Variants in DUSP22 observed in about 807,000 individuals in gnomAD.
DUSP22 encodes the protein dual specificity protein phosphatase 22.
Under a neutral mutation model 24.5 loss-of-function variants are expected in DUSP22, and 24 were observed. That is an observed-to-expected ratio of 0.98 (90% CI 0.71 to 1.38). DUSP22 has a LOEUF of 1.38. Among genes scored for constraint, DUSP22 ranks in the 40% most tolerant of loss-of-function variants. DUSP22 has a pLI of 0.00. For synonymous variants in DUSP22, 160 were observed against 106.4 expected (o/e 1.50, Z -3.10); for missense variants, 330 against 269.2 (o/e 1.23, Z -1.58).
Position 292,489 on chromosome 6 carries a change from AG to A in DUSP22, c.-50del. On this transcript the variant is annotated 5_prime_UTR_variant, in exon 1 of 7. It adds an upstream start codon to the 5' untranslated region. Coordinates refer to ENST00000419235, the MANE Select transcript of DUSP22 (RefSeq NM_001286555.3). ...GCTCCTCCTCCCTGTAACATGCCAT[AG>A]TGCGCCTGCGACCACACGGCCGGGG... is the stretch of plus-strand genomic sequence containing the variant. 1 of 1,598,086 alleles carries A rather than the reference AG, an allele frequency of 6.3e-7. No individual in the cohort carries two copies. Among genetic ancestry groups the A allele is most frequent in the Admixed American group, 1.8e-5 (1 of 56,996 alleles).
At chr6:294,461 A>G (rs1010033126) in intron 1 of DUSP22, among the ~76,000 whole-genome samples, 2 of 152,290 alleles carry the variant, frequency 1.3e-5, no homozygotes, top group African/African-American at 4.8e-5. Context: ...CTATATATGT[A>G]ACTTAAAATG....
chr6:297,135 G>A (rs1757370695), intron 1 of DUSP22, among the ~76,000 whole-genome samples: 1 of 152,302 alleles, frequency 6.6e-6, no homozygotes, highest in South Asian at 2.1e-4. Context: ...TCCTGAAGAA[G>A]TCACTTAAAT....
chr6:315,085 C>G (rs559272693), intron 3 of DUSP22, among the ~76,000 whole-genome samples: 2 of 152,428 alleles, frequency 1.3e-5, no homozygotes, highest in East Asian at 3.8e-4. Context: ...TGTTTATCCA[C>G]TGGACCATGA....
Position 349,401 on chromosome 6 carries a change from T to G in DUSP22, c.*450T>G. The G allele has an allele frequency of 9.8e-7, 1 of 1,021,398 alleles. No individual in the cohort carries two copies. Among genetic ancestry groups the G allele is most frequent in the Non-Finnish European group, 1.2e-6 (1 of 852,206 alleles). The allele number at this position is 1,021,398 out of a possible 1,614,324, so 63.3% of individuals were successfully genotyped here. ...GAATTCATATTGCTGCCCGGGTTGG[T>G]GTGGCCACCTTTCCCTTTGTCCAAG... On this transcript the variant is annotated 3_prime_UTR_variant, in exon 7 of 7. Coordinates refer to ENST00000419235, the MANE Select transcript of DUSP22 (RefSeq NM_001286555.3).
rs200952897 is a variant in DUSP22, at chr6:348,096, C to T, written c.264-7C>T. On this transcript the variant is annotated splice_region_variant and splice_polypyrimidine_tract_variant and intron_variant, in intron 5 of 6. Coordinates refer to ENST00000419235, the MANE Select transcript of DUSP22 (RefSeq NM_001286555.3). Reference sequence around the variant, plus strand: ...CCCTCACACATGTGCTTCTCTTGGCCCCGCAGCCTGGCCGGGGTCTCCAGG... The same window carrying T: ...CCCTCACACATGTGCTTCTCTTGGCTCCGCAGCCTGGCCGGGGTCTCCAGG... The T allele has an allele frequency of 3.1e-3, 5,034 of 1,611,350 alleles. No individual in the cohort carries two copies. The highest frequency in any genetic ancestry group is 0.011 in the Middle Eastern group (66 of 6,032).
chr6:340,488 A>T (rs1472764137), intron 4 of DUSP22, among the ~76,000 whole-genome samples: 1 of 152,310 alleles, frequency 6.6e-6, no homozygotes, highest in Non-Finnish European at 1.5e-5. Context: ...GGACCCAGAT[A>T]GAATACTCTA....
At chr6:341,925 G>A (rs1759625976) in intron 4 of DUSP22, among the ~76,000 whole-genome samples, 1 of 152,300 alleles carries the variant, frequency 6.6e-6, no homozygotes, top group Admixed American at 6.5e-5. Flanking sequence ...ATTTTGAGAT[G>A]TGGCAAGGCT....
chr6:347,039 A>C (rs570139276), intron 5 of DUSP22, among the ~76,000 whole-genome samples: 1 of 152,428 alleles, frequency 6.6e-6, no homozygotes, highest in South Asian at 2.1e-4. Context: ...AGTGTAATAA[A>C]TACAAATGGT....
intron 6 of DUSP22, 170 bp from the exon 7 acceptor site, chr6:348,599 T>C: frequency 4.2e-6 from 5 of 1,184,530 alleles, no homozygotes; most frequent in African/African-American, 1.5e-5. Context: ...AGCAGTTCCT[T>C]CTCTTGCTTG....
intron 3 of DUSP22, among the ~76,000 whole-genome samples, chr6:324,250 G>C (rs1758743747): frequency 6.6e-6 from 1 of 152,296 alleles, no homozygotes; most frequent in African/African-American, 2.4e-5. Flanking sequence ...GGTGACCTAG[G>C]GCCTCCTTCT....
At chr6:321,895 G>A (rs1367012065) in intron 3 of DUSP22, among the ~76,000 whole-genome samples, 2 of 152,308 alleles carry the variant, frequency 1.3e-5, no homozygotes, top group East Asian at 1.9e-4. Context: ...CCAGGGATGT[G>A]AGTGCTCCAG....
At chr6:332,327 C>A (rs1759176185) in intron 3 of DUSP22, among the ~76,000 whole-genome samples, 1 of 152,308 alleles carries the variant, frequency 6.6e-6, no homozygotes, top group Non-Finnish European at 1.5e-5. Context: ...GGCTGCAGCT[C>A]CACACGCCCA....
At chr6:330,592 C>T (rs1759096833) in intron 3 of DUSP22, among the ~76,000 whole-genome samples, 1 of 152,308 alleles carries the variant, frequency 6.6e-6, no homozygotes, top group African/African-American at 2.4e-5. Context: ...TCTTTAGTTT[C>T]AGGCCCAAAG....
chr6:313,355 A>G (rs931202769), intron 3 of DUSP22, among the ~76,000 whole-genome samples: 1 of 152,296 alleles, frequency 6.6e-6, no homozygotes, highest in African/African-American at 2.4e-5. Flanking sequence ...TTCTGTGTAG[A>G]TAGGAGATCT....
rs1255371906 is a variant in DUSP22, at chr6:351,057, C to T, written c.*2106C>T. 3 of 907,832 alleles carry T rather than the reference C, an allele frequency of 3.3e-6. No homozygotes were observed. Among genetic ancestry groups the T allele is most frequent in the Admixed American group, 2.7e-5 (1 of 36,836 alleles). 56.2% of individuals were successfully genotyped at this position (907,832 alleles called of 1,614,324 possible). A position where few individuals can be genotyped will look rare whatever the true frequency, so the allele number is the denominator to read the frequency against. ...ATTCTTTAGCAAGAGAAAATATTTT[C>T]CCCTTATCCCCACTGCTGTGGAGGT... On this transcript the variant is annotated 3_prime_UTR_variant, in exon 7 of 7. Coordinates refer to ENST00000419235, the MANE Select transcript of DUSP22 (RefSeq NM_001286555.3).
chr6:309,672 C>A (rs557801180), intron 2 of DUSP22, among the ~76,000 whole-genome samples: 2 of 150,412 alleles, frequency 1.3e-5, no homozygotes, highest in South Asian at 4.2e-4. Context: ...CAGAGCCACT[C>A]ATGTAGAACA....
intron 1 of DUSP22, among the ~76,000 whole-genome samples, chr6:301,764 C>T (rs1757590963): frequency 6.6e-6 from 1 of 152,298 alleles, no homozygotes; most frequent in South Asian, 2.1e-4. Flanking sequence ...CCATCAGGGG[C>T]AGGAGGACTT....
intron 3 of DUSP22, among the ~76,000 whole-genome samples, chr6:322,121 C>A (rs991899171): frequency 1.5e-4 from 23 of 152,418 alleles, no homozygotes; most frequent in African/African-American, 5.3e-4. Flanking sequence ...GTATACATAT[C>A]TACATAGTGT....
At chr6:317,976 A>G (rs1758409909) in intron 3 of DUSP22, among the ~76,000 whole-genome samples, 1 of 152,308 alleles carries the variant, frequency 6.6e-6, no homozygotes, top group African/African-American at 2.4e-5. Flanking sequence ...TTTCTTTATC[A>G]TGAGCAATTT....
Sources: allele counts gnomAD v4.1 joint callset (sites outside exome capture counted in the v4.1 genomes callset), GRCh38; gene constraint gnomAD v4.1.1; transcripts MANE v1.5; gene names NCBI Gene and HGNC (gene_info 2026-07-23, HGNC 2026-07-21).